NOVA2: variants seen among roughly 807,000 people sequenced by gnomAD.
The protein encoded by NOVA2 is NOVA alternative splicing regulator 2.
In NOVA2, 9 loss-of-function variants were observed where a neutral mutation model predicts 22.5. The ratio of observed to expected loss-of-function variants is 0.40; its 90% confidence interval spans 0.24 to 0.70. NOVA2 has a LOEUF of 0.70. Among genes scored for constraint, NOVA2 ranks in the 30% least tolerant of loss-of-function variants. The probability of loss-of-function intolerance (pLI) is 0.38; values close to 1 mark genes in which losing one functional copy is unlikely to be tolerated. For synonymous variants in NOVA2, 318 were observed against 335.2 expected, an observed-to-expected ratio of 0.95 and a Z score of 0.56; for missense variants, 383 against 682.8, an observed-to-expected ratio of 0.56 and a Z score of 4.89.
chr19:45,964,785 T>G (rs977217724), intron 1 of NOVA2, among the ~76,000 whole-genome samples: 1 of 152,118 alleles, frequency 6.6e-6, no homozygotes, highest in African/African-American at 2.4e-5. Context: ...GGTCTCGAAC[T>G]CCTGAGCTCA....
Position 45,939,390 on chromosome 19 carries a change from G to C in NOVA2, c.*473C>G, listed in dbSNP as rs1428458691. 3 of 145,252 alleles carry C rather than the reference G, an allele frequency of 2.1e-5. No individual in the cohort carries two copies. Among genetic ancestry groups the C allele is most frequent in the African/African-American group, 7.9e-5 (3 of 38,164 alleles). The allele number at this position is 145,252 out of a possible 1,614,324, so 9.0% of individuals were successfully genotyped here. On this transcript the variant is annotated 3_prime_UTR_variant, in exon 4 of 4. Coordinates refer to ENST00000263257, the MANE Select transcript of NOVA2 (RefSeq NM_002516.4). ...GCAGAGAGGTGGGGTGTTGTGTTTTGGGAAGGCCCCTCATTCTGGGTGACC... is the reference window on the plus strand; with the variant it reads ...GCAGAGAGGTGGGGTGTTGTGTTTTCGGAAGGCCCCTCATTCTGGGTGACC...
At chr19:45,970,876 C>T (rs1305591737) in intron 1 of NOVA2, among the ~76,000 whole-genome samples, 1 of 152,158 alleles carries the variant, frequency 6.6e-6, no homozygotes, top group African/African-American at 2.4e-5. Context: ...CTCTGCATCT[C>T]CCGGCCTCAG....
At chr19:45,972,374 C>T (rs1307347225) in intron 1 of NOVA2, among the ~76,000 whole-genome samples, 2 of 146,056 alleles carry the variant, frequency 1.4e-5, no homozygotes, top group African/African-American at 5.1e-5. Context: ...GCCTGTGTCA[C>T]ACACACTGGA....
rs1238908844 is a variant in NOVA2, at chr19:45,940,922, G to C, written c.420C>G (p.Ser140Arg). The change falls in exon 4 of 4, where the codon AGC (serine) becomes AGG (arginine). Residue 140 changes from serine to arginine, a missense_variant. This residue lies in a region of NOVA2 where 349 missense variants were observed against 578.1 expected (regional missense o/e 0.60). Coordinates refer to ENST00000263257, the MANE Select transcript of NOVA2 (RefSeq NM_002516.4). ...AKQAKLIVPNSTAGLIIGKGG... is the reference protein window; with the variant it reads ...AKQAKLIVPNRTAGLIIGKGG... ...CCTTGCCGATGATCAGGCCCGCCGT[G>C]CTGTTGGGGACGATCAGCTTGGCCT... 2 of 1,604,014 alleles carry C rather than the reference G, an allele frequency of 1.2e-6. No homozygotes were observed. Among genetic ancestry groups the C allele is most frequent in the Non-Finnish European group, 1.7e-6 (2 of 1,179,652 alleles).
At chr19:45,965,157 A>G (rs1968152950) in intron 1 of NOVA2, among the ~76,000 whole-genome samples, 1 of 152,098 alleles carries the variant, frequency 6.6e-6, no homozygotes, top group South Asian at 2.1e-4. Flanking sequence ...TGTCACAGAT[A>G]AGGGGTCCTT....
chr19:45,939,790 G>A lies in NOVA2; in HGVS notation c.*73C>T, dbSNP rs1020506925. On this transcript the variant is annotated 3_prime_UTR_variant, in exon 4 of 4. Transcript: ENST00000263257. The stretch of plus-strand genomic sequence containing the variant: ...GGACTACACCAAGCTGAGGTCAGGA[G>A]TTGGGGGGGAGGAGGAGAGGGAAGA... 2 of 1,579,390 alleles carry A rather than the reference G, an allele frequency of 1.3e-6. No individual in the cohort carries two copies. The highest frequency in any genetic ancestry group is 2.7e-5 in the African/African-American group (2 of 74,112).
At chr19:45,959,821 G>GGGGA (rs1968068158) in intron 2 of NOVA2, among the ~76,000 whole-genome samples, 1 of 136,650 alleles carries the variant, frequency 7.3e-6, no homozygotes, top group Non-Finnish European at 1.6e-5. Flanking sequence ...AGACAGAGAG[G>GGGGA]GAGAGAGAGA....
intron 3 of NOVA2, among the ~76,000 whole-genome samples, chr19:45,941,303 TAAAATAA>T (rs1396718591): frequency 2.0e-5 from 2 of 99,150 alleles, no homozygotes; most frequent in Non-Finnish European, 4.5e-5. Context: ...CAAAATAAAA[TAAAATAA>T]TATATATATA....
At chr19:45,941,238 G>A (rs1250764633) in intron 3 of NOVA2, among the ~76,000 whole-genome samples, 1 of 151,808 alleles carries the variant, frequency 6.6e-6, no homozygotes, top group Non-Finnish European at 1.5e-5. Flanking sequence ...GATGCAGTGA[G>A]CTGAGCTCGT....
intron 3 of NOVA2, among the ~76,000 whole-genome samples, chr19:45,950,702 G>T (rs186459562): frequency 2.6e-5 from 4 of 152,276 alleles, no homozygotes; most frequent in African/African-American, 9.6e-5. Context: ...AAGTTTTAGA[G>T]CCAGAAGGAC....
At chr19:45,966,599 C>T (rs931015900) in intron 1 of NOVA2, among the ~76,000 whole-genome samples, 10 of 152,032 alleles carry the variant, frequency 6.6e-5, no homozygotes, top group Non-Finnish European at 1.5e-4. Flanking sequence ...GAAATTAGGC[C>T]GGGTGTGGTG....
In NOVA2 at chr19:45,953,875, C is replaced by A. The variant is rs776265750; in HGVS notation, c.301G>T (p.Glu101Ter). ...GCTTGTGGGATTTCTCGGACCTTCTCGGCAATAAAGCTGTGCACAGCATTC... is the reference window on the plus strand; with the variant it reads ...GCTTGTGGGATTTCTCGGACCTTCTAGGCAATAAAGCTGTGCACAGCATTC... ...ALNAVHSFIA[E>*]KVREIPQAMT... is the part of the protein sequence containing the mutation. The change falls in exon 3 of 4, where the codon GAG (glutamate) becomes TAG (stop). Residue 101 changes from glutamate to a stop codon, truncating the protein, a stop_gained. Coordinates refer to ENST00000263257, the MANE Select transcript of NOVA2 (RefSeq NM_002516.4). LOFTEE classifies it high-confidence loss of function. 6.2e-7 allele frequency: 1 copy of A among 1,614,064 alleles called. No individual in the cohort carries two copies. Among genetic ancestry groups the A allele is most frequent in the African/African-American group, 1.3e-5 (1 of 74,930 alleles).
intron 3 of NOVA2, among the ~76,000 whole-genome samples, chr19:45,946,881 A>C (rs1368410572): frequency 6.6e-6 from 1 of 152,024 alleles, no homozygotes; most frequent in Non-Finnish European, 1.5e-5. Flanking sequence ...CTAAAAAAAA[A>C]AAAAAAAAAA....
At chr19:45,964,585 T>TCTCTCTCTCTCTCTCTCTG (rs1398689110) in intron 1 of NOVA2, among the ~76,000 whole-genome samples, 1 of 17,468 alleles carries the variant, frequency 5.7e-5, no homozygotes. Flanking sequence ...CTCTCTCTCT[T>TCTCTCTCTCTCTCTCTCTG]TCTCTTTCTC....
intron 2 of NOVA2, among the ~76,000 whole-genome samples, chr19:45,960,515 G>A (rs1968078676): frequency 6.6e-6 from 1 of 151,756 alleles, no homozygotes; most frequent in Non-Finnish European, 1.5e-5. Flanking sequence ...GGAGGCAGAG[G>A]GGAGCAAGAG....
chr19:45,958,480 T>C (rs1968042179), intron 2 of NOVA2, among the ~76,000 whole-genome samples: 1 of 147,722 alleles, frequency 6.8e-6, no homozygotes, highest in Admixed American at 6.9e-5. Context: ...GTGAGTGGGA[T>C]GTGTGTGAAT....
At chr19:45,969,730 C>G (rs917711280) in intron 1 of NOVA2, among the ~76,000 whole-genome samples, 6 of 151,990 alleles carry the variant, frequency 3.9e-5, no homozygotes, top group African/African-American at 1.5e-4. Context: ...TTGTTATTGT[C>G]CTGCCAGACT....
chr19:45,964,266 G>A (rs909913245), intron 1 of NOVA2, among the ~76,000 whole-genome samples: 45 of 136,914 alleles, frequency 3.3e-4, no homozygotes, highest in Non-Finnish European at 5.5e-4. Context: ...TGCAACCTCC[G>A]CCTCCCGGGT....
intron 1 of NOVA2, among the ~76,000 whole-genome samples, chr19:45,963,049 G>C (rs1026076148): frequency 2.0e-5 from 3 of 152,074 alleles, no homozygotes; most frequent in African/African-American, 7.2e-5. Flanking sequence ...CGTGCCTCCA[G>C]GATGGAAATT....
Sources: gnomAD v4.1 joint callset for allele counts (sites outside exome capture counted in the v4.1 genomes callset) on GRCh38, gnomAD v4.1.1 for gene constraint, gnomAD v4.1.1 regional missense constraint, MANE v1.5 for transcripts, NCBI Gene and HGNC (gene_info 2026-07-23, HGNC 2026-07-21) for gene names.